Variants in PPP1R9A observed in about 807,000 individuals in gnomAD.
PPP1R9A encodes protein phosphatase 1 regulatory subunit 9A, also known as neurabin-1.
In PPP1R9A, 59 loss-of-function variants were observed where a neutral mutation model predicts 141.9. That is an observed-to-expected ratio of 0.42 (90% confidence interval 0.34 to 0.52). PPP1R9A has a LOEUF of 0.52. Ranked by LOEUF, PPP1R9A falls within the 20% of genes least tolerant of loss-of-function variation. The pLI is 0.10. For missense variants in PPP1R9A, 1,444 were observed against 1,611.9 expected (o/e 0.90, Z 1.78); for synonymous variants, 500 against 569.7 (o/e 0.88, Z 1.74).
intron 2 of PPP1R9A, among the ~76,000 whole-genome samples, chr7:95,064,940 AC>A (rs1812749186): frequency 6.6e-6 from 1 of 152,254 alleles, no homozygotes; most frequent in Non-Finnish European, 1.5e-5. Flanking sequence ...TACTTCAGGT[AC>A]ATAATTAATT....
intron 5 of PPP1R9A, among the ~76,000 whole-genome samples, chr7:95,195,731 C>T (rs1450359031): frequency 2.6e-5 from 4 of 151,982 alleles, no homozygotes; most frequent in Admixed American, 6.6e-5. Flanking sequence ...GTATATTGAA[C>T]ATACATGGAC....
chr7:95,199,216 TA>T (rs1788987949), intron 6 of PPP1R9A, among the ~76,000 whole-genome samples: 1 of 152,200 alleles, frequency 6.6e-6, no homozygotes, highest in Non-Finnish European at 1.5e-5. Flanking sequence ...TACATTGATA[TA>T]ATGGGACAAC....
chr7:95,207,158 A>C (rs1790981732), intron 7 of PPP1R9A, among the ~76,000 whole-genome samples: 1 of 152,118 alleles, frequency 6.6e-6, no homozygotes, highest in Non-Finnish European at 1.5e-5. Flanking sequence ...TCAAGGTACA[A>C]AGTTCGCAGG....
At chr7:95,085,399 A>C (rs1458748689) in intron 2 of PPP1R9A, among the ~76,000 whole-genome samples, 1 of 145,560 alleles carries the variant, frequency 6.9e-6, no homozygotes, top group Non-Finnish European at 1.5e-5. Flanking sequence ...TGCGCTCAGC[A>C]AAAAAGAAAA....
intron 4 of PPP1R9A, among the ~76,000 whole-genome samples, chr7:95,137,901 T>G (rs1436679001): frequency 6.6e-6 from 1 of 151,854 alleles, no homozygotes; most frequent in Admixed American, 6.6e-5. Context: ...CAGGAATAGA[T>G]GAAAACATAT....
At chr7:95,207,752 G>A (rs1239390985) in intron 7 of PPP1R9A, among the ~76,000 whole-genome samples, 1 of 152,046 alleles carries the variant, frequency 6.6e-6, no homozygotes. Context: ...TAAGTTATTA[G>A]AAATAATATA....
intron 2 of PPP1R9A, among the ~76,000 whole-genome samples, chr7:94,966,473 T>C (rs547228852): frequency 3.2e-4 from 48 of 152,350 alleles, no homozygotes; most frequent in African/African-American, 1.1e-3. Flanking sequence ...AAACTCTTCT[T>C]ATTTTGAGAT....
rs148309916 is a variant in PPP1R9A at position 94,980,387 on chromosome 7, A to T, written c.1395+68879A>T. Among the ~76,000 whole-genome samples, 582 of 152,178 alleles carry T rather than the reference A, an allele frequency of 3.8e-3. 22 individuals carry two copies. Among genetic ancestry groups the T allele is most frequent in the East Asian group, 0.034 (177 of 5,182 alleles). On this transcript the variant is annotated intron_variant, in intron 2 of 19. Transcript: ENST00000433360. ...TATTAATATTACAGTTATATATATA[A>T]AATAAAAGTTTCATGAAATAGTACT...
intron 2 of PPP1R9A, among the ~76,000 whole-genome samples, chr7:95,044,623 C>T (rs1422833696): frequency 6.7e-6 from 1 of 148,658 alleles, no homozygotes; most frequent in Non-Finnish European, 1.5e-5. Context: ...AACCTCACTG[C>T]AGCCTCAAAC....
chr7:94,969,583 C>A (rs997323711), intron 2 of PPP1R9A, among the ~76,000 whole-genome samples: 15 of 152,132 alleles, frequency 9.9e-5, no homozygotes, highest in Non-Finnish European at 1.5e-4. Flanking sequence ...TATCTGTCGA[C>A]CCCTGCTGGG....
intron 5 of PPP1R9A, among the ~76,000 whole-genome samples, chr7:95,172,938 C>G (rs529155084): frequency 6.6e-6 from 1 of 151,522 alleles, no homozygotes; most frequent in East Asian, 1.9e-4. Context: ...ATAAAGGTAC[C>G]AAGGTAATTC....
At chr7:95,069,132 A>G (rs139547080) in intron 2 of PPP1R9A, among the ~76,000 whole-genome samples, 31 of 152,300 alleles carry the variant, frequency 2.0e-4, no homozygotes, top group Non-Finnish European at 4.1e-4. Context: ...AAGCCTGTAC[A>G]TGCTCAGTAC....
At chr7:95,198,885 A>G (rs1788903858) in intron 6 of PPP1R9A, among the ~76,000 whole-genome samples, 1 of 152,240 alleles carries the variant, frequency 6.6e-6, no homozygotes, top group Non-Finnish European at 1.5e-5. Flanking sequence ...CCAAAAAATC[A>G]GTAAACACAC....
chr7:94,976,526 G>GATTT (rs1799468171), intron 2 of PPP1R9A, among the ~76,000 whole-genome samples: 1 of 151,940 alleles, frequency 6.6e-6, no homozygotes, highest in East Asian at 1.9e-4. Flanking sequence ...ATTTTTAGTG[G>GATTT]AGACGGGGTT....
chr7:94,937,324 TTCC>T (rs1794878968), intron 2 of PPP1R9A, among the ~76,000 whole-genome samples: 1 of 152,172 alleles, frequency 6.6e-6, no homozygotes, highest in Non-Finnish European at 1.5e-5. Context: ...TCACTGGAAG[TTCC>T]TAGGGGACAC....
intron 8 of PPP1R9A, among the ~76,000 whole-genome samples, chr7:95,238,318 C>G (rs1448002077): frequency 6.6e-6 from 1 of 152,068 alleles, no homozygotes; most frequent in Non-Finnish European, 1.5e-5. Context: ...CACATTACAC[C>G]AAAGGTTTCT....
chr7:95,215,798 C>T (rs560609554), intron 7 of PPP1R9A, among the ~76,000 whole-genome samples: 104 of 152,224 alleles, frequency 6.8e-4, no homozygotes, highest in African/African-American at 2.0e-3. Context: ...TCATATCCTT[C>T]GCCCACTTTT....
At chr7:95,171,425 T>G (rs1832093977) in intron 5 of PPP1R9A, among the ~76,000 whole-genome samples, 1 of 151,576 alleles carries the variant, frequency 6.6e-6, no homozygotes, top group African/African-American at 2.4e-5. Flanking sequence ...TAAAAGTCAG[T>G]TTTGAAAACA....
chr7:95,150,881 A>T (rs1187350536), intron 4 of PPP1R9A, among the ~76,000 whole-genome samples: 3 of 152,288 alleles, frequency 2.0e-5, no homozygotes, highest in Admixed American at 6.5e-5. Context: ...ACCAAAGAAG[A>T]TATACAGAAA....
Sources: allele counts gnomAD v4.1 joint callset (sites outside exome capture counted in the v4.1 genomes callset), GRCh38; gene constraint gnomAD v4.1.1; transcripts MANE v1.5; gene names NCBI Gene and HGNC (gene_info 2026-07-23, HGNC 2026-07-21).